The following DIAPH3 variants were observed in gnomAD, a reference collection of about 807,000 sequenced individuals.
DIAPH3 encodes protein diaphanous homolog 3.
Under a neutral mutation model 144.3 loss-of-function variants are expected in DIAPH3, and 117 were observed. The ratio of observed to expected loss-of-function variants is 0.81; its 90% confidence interval spans 0.70 to 0.95. The LOEUF (loss-of-function observed/expected upper bound fraction) is 0.95. Among genes scored for constraint, DIAPH3 ranks in the 40% least tolerant of loss-of-function variants. The probability of loss-of-function intolerance (pLI) is 0.00; values close to 1 mark genes in which losing one functional copy is unlikely to be tolerated. For missense variants in DIAPH3, 1,421 were observed against 1,412.7 expected (o/e 1.01, Z -0.09); for synonymous variants, 519 against 488.9 (o/e 1.06, Z -0.81).
chr13:59,924,497 A>T (rs1594007245), intron 18 of DIAPH3, among the ~76,000 whole-genome samples: 1 of 31,656 alleles, frequency 3.2e-5, no homozygotes, highest in East Asian at 2.4e-4. Flanking sequence ...TTTATACTTT[A>T]AAAAAAGGGA....
intron 16 of DIAPH3, 119 bp from the exon 17 acceptor site, chr13:59,970,177 T>C: frequency 2.0e-6 from 1 of 495,176 alleles, no homozygotes; most frequent in East Asian, 3.5e-5. Flanking sequence ...GTCGTATCTG[T>C]AAGATTTTTC....
At chr13:59,963,694 C>G (rs2049895910) in intron 17 of DIAPH3, among the ~76,000 whole-genome samples, 1 of 151,996 alleles carries the variant, frequency 6.6e-6, no homozygotes, top group South Asian at 2.1e-4. Context: ...AATTTTTCTT[C>G]TTAAATAGAG....
chr13:59,810,504 A>T (rs1250641239), intron 25 of DIAPH3, among the ~76,000 whole-genome samples: 1 of 152,164 alleles, frequency 6.6e-6, no homozygotes, highest in Non-Finnish European at 1.5e-5. Flanking sequence ...ATTATTAAAG[A>T]TTGATTATTG....
At chr13:59,718,765 G>A (rs1285339495) in intron 27 of DIAPH3, among the ~76,000 whole-genome samples, 1 of 151,904 alleles carries the variant, frequency 6.6e-6, no homozygotes, top group East Asian at 1.9e-4. Context: ...AAATCCTTTT[G>A]GTAGGCTGTA....
chr13:60,128,777 CTT>C (rs57966867), intron 2 of DIAPH3, among the ~76,000 whole-genome samples: 5 of 140,716 alleles, frequency 3.6e-5, no homozygotes, highest in Admixed American at 7.1e-5. Context: ...ATTCAATTAC[CTT>C]TTTTTTTTTT....
At chr13:60,157,537 A>G (rs1027895595) in intron 1 of DIAPH3, among the ~76,000 whole-genome samples, 1 of 152,188 alleles carries the variant, frequency 6.6e-6, no homozygotes, top group South Asian at 2.1e-4. Flanking sequence ...TGGTTATACA[A>G]CTGCTTTAAA....
chr13:59,837,245 C>T (rs1338946008), intron 23 of DIAPH3, among the ~76,000 whole-genome samples: 1 of 151,936 alleles, frequency 6.6e-6, no homozygotes, highest in Non-Finnish European at 1.5e-5. Context: ...CTTTCTTGTC[C>T]ATGGAGTATA....
At chr13:60,161,970 C>T (rs979449552) in intron 1 of DIAPH3, among the ~76,000 whole-genome samples, 1 of 152,024 alleles carries the variant, frequency 6.6e-6, no homozygotes, top group East Asian at 1.9e-4. Flanking sequence ...TAAGCAAGAA[C>T]CTAAATTAGT....
rs576565018 is a variant in DIAPH3, at chr13:60,111,943, T to C, written c.390+67A>G. 1.6e-4 allele frequency: 249 copies of C among 1,543,024 alleles called. 4 individuals are homozygous for C. In the South Asian group the frequency reaches 2.3e-3, roughly 14 times the overall value. Reference sequence around the variant, plus strand: ...GTATGACTACCAAAAATGCTTAGAGTTCCATTAACATGAGCAAAAGCTAAG... The same window carrying C: ...GTATGACTACCAAAAATGCTTAGAGCTCCATTAACATGAGCAAAAGCTAAG... On this transcript the variant is annotated intron_variant, in intron 3 of 27. Coordinates refer to ENST00000400324, the MANE Select transcript of DIAPH3 (RefSeq NM_001042517.2).
intron 25 of DIAPH3, among the ~76,000 whole-genome samples, chr13:59,801,756 T>C (rs1223237411): frequency 6.6e-6 from 1 of 152,226 alleles, no homozygotes; most frequent in African/African-American, 2.4e-5. Context: ...TTGAAAAACA[T>C]TGGATATCTG....
intron 20 of DIAPH3, among the ~76,000 whole-genome samples, chr13:59,890,567 T>C (rs1172975884): frequency 6.6e-6 from 1 of 151,900 alleles, no homozygotes; most frequent in African/African-American, 2.4e-5. Flanking sequence ...CTTTTTACTA[T>C]AATTTCCGTT....
At chr13:59,706,227 GTTTAGTA>G (rs2034417259) in intron 27 of DIAPH3, among the ~76,000 whole-genome samples, 1 of 152,136 alleles carries the variant, frequency 6.6e-6, no homozygotes, top group African/African-American at 2.4e-5. Flanking sequence ...GTCTGCACGT[GTTTAGTA>G]CAGAGGCAAT....
chr13:59,953,004 G>T (rs888466725), intron 17 of DIAPH3, among the ~76,000 whole-genome samples: 3 of 152,130 alleles, frequency 2.0e-5, no homozygotes, highest in African/African-American at 7.2e-5. Context: ...TATATAAGTA[G>T]CTAACAGTAT....
At chr13:59,971,669 G>C (rs1040813842) in intron 15 of DIAPH3, among the ~76,000 whole-genome samples, 5 of 152,128 alleles carry the variant, frequency 3.3e-5, no homozygotes, top group Non-Finnish European at 4.4e-5. Context: ...TCTTCTCAAT[G>C]GTGTCCTAAT....
chr13:60,148,224 T>C (rs149699124), intron 1 of DIAPH3, among the ~76,000 whole-genome samples: 16 of 152,312 alleles, frequency 1.1e-4, no homozygotes, highest in African/African-American at 3.6e-4. Context: ...CTCTAAGCCA[T>C]CCATGTAAAA....
At position 59,861,402 on chromosome 13, in the gene DIAPH3, C is replaced by G. The variant is rs1851215790; in HGVS notation, c.2737+5G>C. 1 of 1,613,652 alleles carries G rather than the reference C, an allele frequency of 6.2e-7. No individual in the cohort carries two copies. The highest frequency in any genetic ancestry group is 1.1e-5 in the South Asian group (1 of 91,058). On this transcript the variant is annotated splice_donor_5th_base_variant and intron_variant, in intron 22 of 27. Coordinates refer to ENST00000400324, the MANE Select transcript of DIAPH3 (RefSeq NM_001042517.2). ...CCATGAAATGTTTCTTAAAAAGGCA[C>G]AAACCTTTACTAGCTTTGTCTAAAG...
At position 59,833,106 on chromosome 13, in the gene DIAPH3, C is replaced by A. The variant is rs759339741; in HGVS notation, c.3027+1G>T. On this transcript the variant is annotated splice_donor_variant, in intron 24 of 27. Transcript: ENST00000400324. LOFTEE classifies it high-confidence loss of function. ...TTTAAAAAACAATTTTTTTACCATA[C>A]CATGAATGTGGTTCTGAAGTTATTC... 32 of 1,606,422 alleles carry A rather than the reference C, an allele frequency of 2.0e-5. No individual in the cohort carries two copies. Among genetic ancestry groups the A allele is most frequent in the Non-Finnish European group, 2.7e-5 (32 of 1,176,106 alleles).
At chr13:59,847,416 C>T (rs982891946) in intron 22 of DIAPH3, among the ~76,000 whole-genome samples, 1 of 152,104 alleles carries the variant, frequency 6.6e-6, no homozygotes, top group African/African-American at 2.4e-5. Context: ...GCTATTTCAT[C>T]CCCTGAAAGA....
At chr13:60,010,470 A>C (rs1015583817) in intron 8 of DIAPH3, 63 bp downstream of exon 8, 1 of 1,462,736 alleles carries the variant, frequency 6.8e-7, no homozygotes, top group African/African-American at 1.4e-5. Context: ...ATAATGAAAC[A>C]TTAAATGAAT....
Sources: gnomAD v4.1 joint callset for allele counts (sites outside exome capture counted in the v4.1 genomes callset) on GRCh38, gnomAD v4.1.1 for gene constraint, MANE v1.5 for transcripts, NCBI Gene and HGNC (gene_info 2026-07-23, HGNC 2026-07-21) for gene names.